Variants in ADCY2 observed in about 807,000 individuals in gnomAD.
ADCY2 encodes adenylate cyclase 2.
In ADCY2, 31 loss-of-function variants were observed where a neutral mutation model predicts 125.2. That is an observed-to-expected ratio of 0.25 (90% CI 0.19 to 0.33). The LOEUF (loss-of-function observed/expected upper bound fraction) is 0.33, where lower values mean the gene tolerates loss of function less well. Among genes scored for constraint, ADCY2 ranks in the 10% least tolerant of loss-of-function variants. The probability of loss-of-function intolerance (pLI) is 1.00; values close to 1 mark genes in which losing one functional copy is unlikely to be tolerated. For synonymous variants in ADCY2, 512 were observed against 548.4 expected (o/e 0.93, Z 0.93); for missense variants, 904 against 1,418.2 (o/e 0.64, Z 5.82).
rs1213713586 is a variant in ADCY2 at position 7,465,109 on chromosome 5, A to C, written c.408+50339A>C. ...TATGGGGGAACCACCCCCATGATTC[A>C]GTTATCTCCCACTGGGTCCTTCCCA... On this transcript the variant is annotated intron_variant, in intron 2 of 24. Coordinates refer to ENST00000338316, the MANE Select transcript of ADCY2 (RefSeq NM_020546.3). Among the ~76,000 whole-genome samples the C allele has an allele frequency of 4.6e-5, 7 of 152,198 alleles. No homozygotes were observed. In the East Asian group the frequency reaches 1.4e-3, roughly 29 times the overall value.
At chr5:7,668,638 G>A (rs1342218431) in intron 4 of ADCY2, among the ~76,000 whole-genome samples, 1 of 152,186 alleles carries the variant, frequency 6.6e-6, no homozygotes, top group South Asian at 2.1e-4. Flanking sequence ...TTTATGTGGG[G>A]AAAAATAATT....
At chr5:7,805,584 G>A (rs1043040531) in intron 22 of ADCY2, among the ~76,000 whole-genome samples, 3 of 152,084 alleles carry the variant, frequency 2.0e-5, no homozygotes, top group Non-Finnish European at 4.4e-5. Context: ...CCTCTGCTGG[G>A]CAGACCACAG....
chr5:7,430,016 A>G (rs1006327066), intron 2 of ADCY2, among the ~76,000 whole-genome samples: 6 of 152,164 alleles, frequency 3.9e-5, no homozygotes, highest in African/African-American at 1.4e-4. Flanking sequence ...TATTAGGAAT[A>G]TGAAAGGGGT....
chr5:7,498,034 C>G (rs1438005393), intron 2 of ADCY2, among the ~76,000 whole-genome samples: 1 of 151,964 alleles, frequency 6.6e-6, no homozygotes, highest in Non-Finnish European at 1.5e-5. Context: ...AAAACAAAAA[C>G]AACAATAATA....
At chr5:7,712,074 G>A (rs1037973077) in intron 10 of ADCY2, among the ~76,000 whole-genome samples, 1 of 152,156 alleles carries the variant, frequency 6.6e-6, no homozygotes, top group African/African-American at 2.4e-5. Context: ...TTACTGTATG[G>A]AATGAAACTT....
intron 2 of ADCY2, among the ~76,000 whole-genome samples, chr5:7,472,232 G>T (rs1449620267): frequency 6.6e-6 from 1 of 151,996 alleles, no homozygotes; most frequent in Non-Finnish European, 1.5e-5. Flanking sequence ...TCTTTTCCTT[G>T]TGCTCACATA....
chr5:7,578,204 T>C (rs1736312084), intron 3 of ADCY2, among the ~76,000 whole-genome samples: 1 of 152,228 alleles, frequency 6.6e-6, no homozygotes, highest in Admixed American at 6.5e-5. Flanking sequence ...TTAATGTGAA[T>C]GACTTGGTGT....
At chr5:7,792,549 C>T (rs138015442) in intron 20 of ADCY2, among the ~76,000 whole-genome samples, 1 of 150,240 alleles carries the variant, frequency 6.7e-6, no homozygotes, top group Non-Finnish European at 1.5e-5. Flanking sequence ...TTCAGCCTCA[C>T]AGCCCTGCAG....
chr5:7,773,430 G>A (rs1028145343), intron 18 of ADCY2, among the ~76,000 whole-genome samples: 1 of 152,052 alleles, frequency 6.6e-6, no homozygotes, highest in African/African-American at 2.4e-5. Flanking sequence ...TGTTGCGGGC[G>A]CCGTCCTGTG....
intron 2 of ADCY2, among the ~76,000 whole-genome samples, chr5:7,454,753 A>C (rs1392587535): frequency 2.0e-5 from 3 of 152,134 alleles, no homozygotes; most frequent in African/African-American, 7.2e-5. Context: ...CTTTTCATTT[A>C]TGATGTATTT....
Position 7,626,222 on chromosome 5 carries a change from A to G in ADCY2, c.626A>G (p.Lys209Arg). The change falls in exon 4 of 25, where the codon AAG becomes AGG. Residue 209 changes from lysine (K) to arginine (R), a missense_variant. By Grantham distance (26) the Lys-to-Arg change is conservative. Transcript: ENST00000338316. The part of the protein sequence containing the change: ...ICGNLAGAYH[K>R]HLMELALQQT... ...GGGAACCTGGCGGGAGCCTACCATA[A>G]GCACCTCATGGAACTCGCTCTTCAG... 1 of 1,614,164 alleles carries G rather than the reference A, an allele frequency of 6.2e-7. No homozygotes were observed. Among genetic ancestry groups the G allele is most frequent in the East Asian group, 2.2e-5 (1 of 44,888 alleles).
intron 3 of ADCY2, among the ~76,000 whole-genome samples, chr5:7,537,512 T>C (rs1253541929): frequency 4.6e-5 from 7 of 152,166 alleles, no homozygotes; most frequent in African/African-American, 1.7e-4. Context: ...TCCATCTTGT[T>C]AGGCACCAGA....
intron 3 of ADCY2, among the ~76,000 whole-genome samples, chr5:7,566,479 G>A (rs896382815): frequency 2.0e-5 from 3 of 152,096 alleles, no homozygotes; most frequent in Non-Finnish European, 4.4e-5. Context: ...CAGGGTGACA[G>A]AGCTAAGAAC....
chr5:7,484,929 A>C (rs1742869206), intron 2 of ADCY2, among the ~76,000 whole-genome samples: 1 of 152,154 alleles, frequency 6.6e-6, no homozygotes, highest in African/African-American at 2.4e-5. Context: ...TCTTTGAAAG[A>C]ATTGTCTGTG....
Position 7,626,157 on chromosome 5 carries a change from G to A in ADCY2, c.571-10G>A, listed in dbSNP as rs1561131720. 1.9e-6 allele frequency: 3 copies of A among 1,608,218 alleles called. No homozygotes were observed. The highest frequency in any genetic ancestry group is 3.4e-5 in the Admixed American group (2 of 58,462). ...GTTACCCTATTGAGCAGCTCTTTCT[G>A]TCTCTTTAGATCCTGGCCAATGTGA... On this transcript the variant is annotated splice_polypyrimidine_tract_variant and intron_variant, in intron 3 of 24. Transcript: ENST00000338316.
chr5:7,670,941 C>T (rs1739912366), intron 4 of ADCY2, among the ~76,000 whole-genome samples: 1 of 152,148 alleles, frequency 6.6e-6, no homozygotes, highest in South Asian at 2.1e-4. Flanking sequence ...TCCATTGATC[C>T]CATATCTGCT....
intron 7 of ADCY2, among the ~76,000 whole-genome samples, chr5:7,699,273 AT>A (rs1208969053): frequency 1.3e-4 from 19 of 147,952 alleles, no homozygotes; most frequent in African/African-American, 4.7e-4. Flanking sequence ...AATTTTTTGT[AT>A]TTTTAGTAGA....
chr5:7,533,013 A>G lies in ADCY2; in HGVS notation c.570+12114A>G, dbSNP rs191779829. Among the ~76,000 whole-genome samples the G allele has an allele frequency of 3.0e-3, 457 of 150,154 alleles. 4 individuals are homozygous for G. Among genetic ancestry groups the G allele is most frequent in the African/African-American group, 0.01 (430 of 41,112 alleles). On this transcript the variant is annotated intron_variant, in intron 3 of 24. Coordinates refer to ENST00000338316, the MANE Select transcript of ADCY2 (RefSeq NM_020546.3). ...ATGTGTATATAAACATTTGATATGT[A>G]TACATATATATGTATATATGTATAT...
In ADCY2 at chr5:7,827,908, C is replaced by A. The variant is rs1183239518; in HGVS notation, c.*1037C>A. On this transcript the variant is annotated 3_prime_UTR_variant, in exon 25 of 25. Coordinates refer to ENST00000338316, the MANE Select transcript of ADCY2 (RefSeq NM_020546.3). ...TGCTAGAGCTAACAGACATAGACTG[C>A]AAAAGAATAATTTGGAATCAGCTAT... The A allele has an allele frequency of 6.6e-6, 1 of 152,448 alleles. No individual in the cohort carries two copies. Among genetic ancestry groups the A allele is most frequent in the Non-Finnish European group, 1.5e-5 (1 of 68,042 alleles). 9.4% of individuals were successfully genotyped at this position (152,448 alleles called of 1,614,324 possible).
Sources: allele counts gnomAD v4.1 joint callset (sites outside exome capture counted in the v4.1 genomes callset), GRCh38; gene constraint gnomAD v4.1.1; transcripts MANE v1.5; gene names NCBI Gene and HGNC (gene_info 2026-07-23, HGNC 2026-07-21).